Variants in IGF2BP2 observed in about 807,000 individuals in gnomAD.
The protein encoded by IGF2BP2 is insulin like growth factor 2 mRNA binding protein 2.
Under a neutral mutation model 75.8 loss-of-function variants are expected in IGF2BP2, and 17 were observed. That is an observed-to-expected ratio of 0.22 (90% CI 0.15 to 0.34). The LOEUF (loss-of-function observed/expected upper bound fraction) is 0.34. IGF2BP2 is among the 10% of genes least tolerant of loss of function. The pLI is 1.00. For missense variants in IGF2BP2, 516 were observed against 772.4 expected (o/e 0.67, Z 3.93); for synonymous variants, 288 against 295.6 (o/e 0.97, Z 0.26).
intron 1 of IGF2BP2, 73 bp from the exon 2 acceptor site, chr3:185,823,286 CG>C: frequency 8.7e-7 from 1 of 1,151,288 alleles, no homozygotes; most frequent in South Asian, 1.4e-5. Flanking sequence ...GGGGCACGCA[CG>C]GAACTCCACG....
chr3:185,752,725 T>G (rs961802140), intron 2 of IGF2BP2, among the ~76,000 whole-genome samples: 5 of 151,948 alleles, frequency 3.3e-5, no homozygotes, highest in Non-Finnish European at 5.9e-5. Context: ...GCCTCCTGAG[T>G]AGCTGGTATT....
chr3:185,793,825 A>C (rs1736959036), intron 2 of IGF2BP2, among the ~76,000 whole-genome samples: 1 of 152,122 alleles, frequency 6.6e-6, no homozygotes, highest in Admixed American at 6.6e-5. Context: ...CAAGATTCCC[A>C]GTCTTGGAAT....
intron 2 of IGF2BP2, among the ~76,000 whole-genome samples, chr3:185,795,875 G>C (rs896535763): frequency 1.3e-5 from 2 of 151,824 alleles, no homozygotes; most frequent in African/African-American, 4.8e-5. Context: ...AACAGAGAGA[G>C]ACTCTGTCTC....
chr3:185,796,617 GAAA>G (rs539355035), intron 2 of IGF2BP2, among the ~76,000 whole-genome samples: 5 of 75,948 alleles, frequency 6.6e-5, no homozygotes, highest in Non-Finnish European at 1.1e-4. Context: ...CCTGAGCTAG[GAAA>G]AAAAAAAAAA....
At chr3:185,654,233 A>T (rs1415348364) in intron 12 of IGF2BP2, among the ~76,000 whole-genome samples, 1 of 152,158 alleles carries the variant, frequency 6.6e-6, no homozygotes, top group African/African-American at 2.4e-5. Flanking sequence ...GTGGGCAGCC[A>T]TTTCTTGGCA....
rs183570182 is a variant in IGF2BP2 at position 185,811,054 on chromosome 3, A to C, written c.239+12099T>G. On this transcript the variant is annotated intron_variant, in intron 2 of 15. Transcript: ENST00000382199. ...AAACTTATAGGACAGTCACATATTC[A>C]GCATATATATACATATTCTACATTT... Among the ~76,000 whole-genome samples the C allele has an allele frequency of 1.3e-3, 196 of 152,246 alleles. 1 individual carries two copies. The highest frequency in any genetic ancestry group is 2.4e-3 in the Non-Finnish European group (165 of 68,006).
At chr3:185,751,642 T>C (rs911877169) in intron 2 of IGF2BP2, among the ~76,000 whole-genome samples, 1 of 149,992 alleles carries the variant, frequency 6.7e-6, no homozygotes, top group Non-Finnish European at 1.5e-5. Context: ...GGAAACTCCA[T>C]CTCAAAAAAA....
Position 185,658,377 on chromosome 3 carries a change from G to A in IGF2BP2, c.1233C>T (p.Pro411=), listed in dbSNP as rs529304244. ...GCGGGAACGGGCCAAACTGGTGATG[G>A]GGGTACAGGCTGGAGAAGTATCCGG... ...THSGYFSSLY[P]HHQFGPFPHH... is the part of the protein sequence containing the mutation. Residue 411 remains proline (P), a synonymous_variant, in exon 11 of 16, where the codon CCC becomes CCT. Coordinates refer to ENST00000382199, the MANE Select transcript of IGF2BP2 (RefSeq NM_006548.6). 1.2e-6 allele frequency: 2 copies of A among 1,614,040 alleles called. No homozygotes were observed. Among genetic ancestry groups the A allele is most frequent in the East Asian group, 4.5e-5 (2 of 44,876 alleles).
intron 7 of IGF2BP2, among the ~76,000 whole-genome samples, chr3:185,682,362 TTCTC>T (rs1720513335): frequency 1.3e-5 from 2 of 152,214 alleles, no homozygotes. Flanking sequence ...GACCTATTTC[TTCTC>T]TCTGTCTCTT....
intron 13 of IGF2BP2, 119 bp from the exon 14 acceptor site, chr3:185,649,653 G>T: frequency 7.3e-7 from 1 of 1,365,256 alleles, no homozygotes; most frequent in East Asian, 2.4e-5. Flanking sequence ...CACACTCCCT[G>T]GGACACACAG....
chr3:185,645,648 G>A lies in IGF2BP2; in HGVS notation c.1708-25C>T. The A allele has an allele frequency of 1.9e-6, 3 of 1,589,166 alleles. No homozygotes were observed. Among genetic ancestry groups the A allele is most frequent in the African/African-American group, 1.3e-5 (1 of 74,520 alleles). On this transcript the variant is annotated intron_variant, in intron 15 of 15. Coordinates refer to ENST00000382199, the MANE Select transcript of IGF2BP2 (RefSeq NM_006548.6). This position sits in a 1 kb window ranked among gnomAD's most constrained non-coding sequence, Gnocchi z 4.9. ...TCTGCAGCAAGGGAGAGAAGGGAGA[G>A]GAAGGGACAGGGGAAAAAAGGAACC...
chr3:185,775,957 A>G (rs2149779250), intron 2 of IGF2BP2, among the ~76,000 whole-genome samples: 1 of 152,348 alleles, frequency 6.6e-6, no homozygotes, highest in South Asian at 2.1e-4. Context: ...CAGCCTAGCA[A>G]TAGGCAAATG....
At chr3:185,790,408 A>G (rs970377960) in intron 2 of IGF2BP2, among the ~76,000 whole-genome samples, 4 of 152,226 alleles carry the variant, frequency 2.6e-5, no homozygotes, top group African/African-American at 9.6e-5. Context: ...TTCAGGATAT[A>G]CATAACAAAG....
chr3:185,794,926 C>T (rs1257703078), intron 2 of IGF2BP2, among the ~76,000 whole-genome samples: 1 of 151,674 alleles, frequency 6.6e-6, no homozygotes, highest in African/African-American at 2.4e-5. Context: ...GAGGCGGAGT[C>T]TCACTCTGTC....
Position 185,823,275 on chromosome 3 carries a change from G to T in IGF2BP2, c.179-62C>A, listed in dbSNP as rs1372063772. The stretch of plus-strand genomic sequence containing the variant: ...TAGATCAAGCCCGCGGGGGTCTAGG[G>T]GGGGCACGCACGGAACTCCACGCTC... On this transcript the variant is annotated intron_variant, in intron 1 of 15. Transcript: ENST00000382199. 9.0e-6 allele frequency: 12 copies of T among 1,334,040 alleles called. No homozygotes were observed. In the Admixed American group the frequency reaches 1.0e-4, roughly 11 times the overall value. 82.6% of individuals were successfully genotyped at this position (1,334,040 alleles called of 1,614,324 possible). A position where few individuals can be genotyped will look rare whatever the true frequency, so the allele number is the denominator to read the frequency against.
At chr3:185,760,026 T>A (rs1732144647) in intron 2 of IGF2BP2, among the ~76,000 whole-genome samples, 1 of 152,222 alleles carries the variant, frequency 6.6e-6, no homozygotes, top group Non-Finnish European at 1.5e-5. Flanking sequence ...ATATAAAAGA[T>A]AAGGATTTTT....
At position 185,643,205 on chromosome 3, in the gene IGF2BP2, G is replaced by A. The variant is rs78211201; in HGVS notation, c.*2326C>T. On this transcript the variant is annotated 3_prime_UTR_variant, in exon 16 of 16. Coordinates refer to ENST00000382199, the MANE Select transcript of IGF2BP2 (RefSeq NM_006548.6). ...GGAACTGAACCTGCGACGTTCCTGA[G>A]GTATGCCTGCACTTACTAGTGAGCT... 1.8e-3 allele frequency among the ~76,000 whole-genome samples: 271 copies of A among 152,304 alleles called. 4 individuals carry two copies. The highest frequency in any genetic ancestry group is 0.018 in the East Asian group (92 of 5,186).
chr3:185,761,354 T>C (rs1468122687), intron 2 of IGF2BP2, among the ~76,000 whole-genome samples: 1 of 151,954 alleles, frequency 6.6e-6, no homozygotes, highest in East Asian at 1.9e-4. Context: ...TCAGGGGAAA[T>C]AAACAAAAGG....
At chr3:185,704,459 C>G (rs1321264630) in intron 2 of IGF2BP2, among the ~76,000 whole-genome samples, 2 of 151,924 alleles carry the variant, frequency 1.3e-5, no homozygotes, top group Non-Finnish European at 2.9e-5. Flanking sequence ...CCAACTGTCT[C>G]TTTTTTTTGA....
Sources: allele counts gnomAD v4.1 joint callset (sites outside exome capture counted in the v4.1 genomes callset), GRCh38; gene constraint gnomAD v4.1.1; non-coding constraint Gnocchi (gnomAD v3.1); transcripts MANE v1.5; gene names NCBI Gene and HGNC (gene_info 2026-07-23, HGNC 2026-07-21).